FBXL20: variants seen among roughly 807,000 people sequenced by gnomAD.
FBXL20 encodes the protein F-box/LRR-repeat protein 20.
Under a neutral mutation model 64.0 loss-of-function variants are expected in FBXL20, and 11 were observed. The ratio of observed to expected loss-of-function variants is 0.17; its 90% CI spans 0.11 to 0.28. The LOEUF (loss-of-function observed/expected upper bound fraction) is 0.28. Among genes scored for constraint, FBXL20 ranks in the 10% least tolerant of loss-of-function variants. The pLI is 1.00. For missense variants in FBXL20, 303 were observed against 526.2 expected (o/e 0.58, Z 4.15); for synonymous variants, 184 against 189.0 (o/e 0.97, Z 0.22).
At chr17:39,319,951 T>C (rs924439777) in intron 2 of FBXL20, among the ~76,000 whole-genome samples, 1 of 152,098 alleles carries the variant, frequency 6.6e-6, no homozygotes, top group Non-Finnish European at 1.5e-5. Flanking sequence ...TTACACTTAC[T>C]TTGACGGGCT....
At chr17:39,352,293 G>T (rs904144267) in intron 1 of FBXL20, among the ~76,000 whole-genome samples, 1 of 152,046 alleles carries the variant, frequency 6.6e-6, no homozygotes, top group East Asian at 1.9e-4. Flanking sequence ...TACTTGGTAG[G>T]CTGAAGGGGA....
intron 2 of FBXL20, among the ~76,000 whole-genome samples, chr17:39,321,150 T>C (rs1282924392): frequency 8.3e-6 from 1 of 120,992 alleles, no homozygotes; most frequent in Admixed American, 7.7e-5. Context: ...ACAGTCGACA[T>C]GCTGTATAAA....
chr17:39,323,159 T>C (rs1489760972), intron 2 of FBXL20, among the ~76,000 whole-genome samples: 1 of 151,888 alleles, frequency 6.6e-6, no homozygotes, highest in East Asian at 1.9e-4. Context: ...TTAGTAGAGA[T>C]GGGGTTTTAC....
chr17:39,295,805 A>ATATATATATATATATATATATATATT (rs1026860846), intron 6 of FBXL20, among the ~76,000 whole-genome samples: 1 of 149,080 alleles, frequency 6.7e-6, no homozygotes, highest in African/African-American at 2.5e-5. Context: ...ATATATATAT[A>ATATATATATATATATATATATATATT]TTAAGTCTTC....
intron 14 of FBXL20, chr17:39,263,834 T>C (rs1312812009): frequency 2.1e-5 from 4 of 192,992 alleles, no homozygotes; most frequent in Non-Finnish European, 3.2e-5. Flanking sequence ...ACTTTCTCTG[T>C]TATTCCTTTC....
rs1393451352 is a variant in FBXL20, at chr17:39,264,027, C to G, written c.1203+148G>C. On this transcript the variant is annotated intron_variant, in intron 14 of 14. Coordinates refer to ENST00000264658, the MANE Select transcript of FBXL20 (RefSeq NM_032875.3). ...GGAGCCAGAGGGAAAAACTATCTGT[C>G]CTTAGGTTTGCACTTTTTTCTCTTT... 4 of 844,172 alleles carry G rather than the reference C, an allele frequency of 4.7e-6. No individual in the cohort carries two copies. The South Asian group carries it at 5.4e-5, about 11-fold the overall frequency. The allele number at this position is 844,172 out of a possible 1,614,324, so 52.3% of individuals were successfully genotyped here. A position where few individuals can be genotyped will look rare whatever the true frequency, so the allele number is the denominator to read the frequency against.
At chr17:39,390,589 T>C (rs995060473) in intron 1 of FBXL20, among the ~76,000 whole-genome samples, 1 of 149,044 alleles carries the variant, frequency 6.7e-6, no homozygotes, top group African/African-American at 2.5e-5. Context: ...TAGCCAGATA[T>C]GGTGGCACCC....
At chr17:39,285,194 A>G (rs1420510830) in intron 7 of FBXL20, among the ~76,000 whole-genome samples, 2 of 152,150 alleles carry the variant, frequency 1.3e-5, no homozygotes, top group Non-Finnish European at 2.9e-5. Flanking sequence ...GTGAGTCTTC[A>G]TGCCTGGCCT....
At chr17:39,264,517 C>G in intron 13 of FBXL20, 130 bp from the exon 14 acceptor site, 1 of 920,542 alleles carries the variant, frequency 1.1e-6, no homozygotes, top group South Asian at 1.8e-5. Flanking sequence ...ACTAGATCCA[C>G]GTGGTGAAAT....
intron 2 of FBXL20, among the ~76,000 whole-genome samples, chr17:39,314,978 G>T (rs1173292722): frequency 1.3e-5 from 2 of 151,846 alleles, no homozygotes; most frequent in African/African-American, 4.8e-5. Flanking sequence ...GTGTATTTTA[G>T]TAGAGACGGG....
intron 2 of FBXL20, among the ~76,000 whole-genome samples, chr17:39,306,946 A>C (rs918467027): frequency 6.6e-6 from 1 of 152,208 alleles, no homozygotes; most frequent in African/African-American, 2.4e-5. Flanking sequence ...CCAGCAAGGG[A>C]CAGGAAAATC....
chr17:39,323,172 T>A (rs529125485), intron 2 of FBXL20, among the ~76,000 whole-genome samples: 1 of 152,048 alleles, frequency 6.6e-6, no homozygotes, highest in Non-Finnish European at 1.5e-5. Context: ...GGTTTTACCA[T>A]GTTAGCCAGG....
At chr17:39,279,743 C>A (rs1191340878) in intron 9 of FBXL20, among the ~76,000 whole-genome samples, 1 of 150,218 alleles carries the variant, frequency 6.7e-6, no homozygotes, top group East Asian at 2.0e-4. Context: ...AAAAAAAATA[C>A]AAAAATTAGC....
At chr17:39,291,792 C>T (rs1483732604) in intron 6 of FBXL20, among the ~76,000 whole-genome samples, 1 of 152,152 alleles carries the variant, frequency 6.6e-6, no homozygotes, top group Non-Finnish European at 1.5e-5. Flanking sequence ...TAAGCAATAC[C>T]TTAGGCGCAT....
chr17:39,308,003 G>A (rs1207004486), intron 2 of FBXL20, among the ~76,000 whole-genome samples: 1 of 150,958 alleles, frequency 6.6e-6, no homozygotes, highest in Non-Finnish European at 1.5e-5. Context: ...AAAAGACTTT[G>A]TGGACATAGT....
chr17:39,283,976 C>G (rs1319503555), intron 7 of FBXL20, among the ~76,000 whole-genome samples: 1 of 152,174 alleles, frequency 6.6e-6, no homozygotes, highest in Non-Finnish European at 1.5e-5. Context: ...CTTTAGGAAG[C>G]CTGTCTGAAC....
intron 6 of FBXL20, among the ~76,000 whole-genome samples, chr17:39,288,811 C>T (rs1286756602): frequency 2.6e-5 from 4 of 151,102 alleles, no homozygotes; most frequent in East Asian, 1.9e-4. Flanking sequence ...CAGGTTCAAG[C>T]GATTCTCCTG....
chr17:39,389,864 A>T (rs1251850347), intron 1 of FBXL20, among the ~76,000 whole-genome samples: 1 of 152,180 alleles, frequency 6.6e-6, no homozygotes, highest in Non-Finnish European at 1.5e-5. Context: ...GTCTGTGTTT[A>T]ATCATGTCAT....
At chr17:39,275,644 A>G (rs1379106464) in intron 9 of FBXL20, among the ~76,000 whole-genome samples, 1 of 151,760 alleles carries the variant, frequency 6.6e-6, no homozygotes, top group Non-Finnish European at 1.5e-5. Context: ...TCCTGGCCTC[A>G]AGTGATCTGC....
Sources: allele counts gnomAD v4.1 joint callset (sites outside exome capture counted in the v4.1 genomes callset), GRCh38; gene constraint gnomAD v4.1.1; transcripts MANE v1.5; gene names NCBI Gene and HGNC (gene_info 2026-07-23, HGNC 2026-07-21).